The following C1orf21 variants were observed in gnomAD, a reference collection of about 807,000 sequenced individuals.
C1orf21 encodes uncharacterized protein C1orf21.
C1orf21 carries 3 observed loss-of-function variants against 18.7 expected under a neutral mutation model. That is an observed-to-expected ratio of 0.16 (90% CI 0.07 to 0.42). The LOEUF (loss-of-function observed/expected upper bound fraction) is 0.42. C1orf21 is among the 10% of genes least tolerant of loss of function. The pLI, the probability that C1orf21 is intolerant of heterozygous loss-of-function variation, is 0.99. For synonymous variants in C1orf21, 41 were observed against 46.4 expected (o/e 0.88, Z 0.47); for missense variants, 104 against 143.6 (o/e 0.72, Z 1.41).
intron 5 of C1orf21, among the ~76,000 whole-genome samples, chr1:184,603,633 A>G (rs552951675): frequency 5.5e-4 from 83 of 152,228 alleles, no homozygotes; most frequent in African/African-American, 1.9e-3. Context: ...TGTCTATACT[A>G]AAAATACAAA....
At chr1:184,580,666 A>G (rs568364468) in intron 3 of C1orf21, among the ~76,000 whole-genome samples, 100 of 152,352 alleles carry the variant, frequency 6.6e-4, no homozygotes, top group African/African-American at 2.0e-3. Flanking sequence ...ACAAGCATCA[A>G]TGATTTCACC....
At chr1:184,441,991 G>A (rs909432509) in intron 1 of C1orf21, among the ~76,000 whole-genome samples, 1 of 152,102 alleles carries the variant, frequency 6.6e-6, no homozygotes, top group Non-Finnish European at 1.5e-5. Context: ...GTCAGTGAAT[G>A]GAACAGACTG....
chr1:184,608,332 G>T (rs532853381), intron 5 of C1orf21, among the ~76,000 whole-genome samples: 1 of 152,198 alleles, frequency 6.6e-6, no homozygotes, highest in Non-Finnish European at 1.5e-5. Flanking sequence ...ATTACACAGT[G>T]GTCACTGGCT....
At chr1:184,477,893 T>G (rs1446960755) in intron 2 of C1orf21, among the ~76,000 whole-genome samples, 2 of 152,230 alleles carry the variant, frequency 1.3e-5, no homozygotes, top group Non-Finnish European at 2.9e-5. Flanking sequence ...TCTTATTCCC[T>G]CTAAGCCTTT....
intron 3 of C1orf21, among the ~76,000 whole-genome samples, chr1:184,564,855 T>G (rs1007977614): frequency 2.6e-5 from 4 of 152,166 alleles, no homozygotes; most frequent in Non-Finnish European, 4.4e-5. Flanking sequence ...ACCTGCTGCT[T>G]ACACGGCACA....
chr1:184,461,742 T>C (rs1024042848), intron 1 of C1orf21, among the ~76,000 whole-genome samples: 2 of 152,212 alleles, frequency 1.3e-5, no homozygotes, highest in African/African-American at 4.8e-5. Flanking sequence ...GGAAAACAAA[T>C]GATCATGTCA....
intron 1 of C1orf21, among the ~76,000 whole-genome samples, chr1:184,392,819 CTTTTTTTTTTTTTT>C (rs397861528): frequency 1.0e-5 from 1 of 96,820 alleles, no homozygotes; most frequent in Non-Finnish European, 1.9e-5. Context: ...GACATTCCTC[CTTTTTTTTTTTTTT>C]TTTTTTTTTT....
intron 3 of C1orf21, among the ~76,000 whole-genome samples, chr1:184,555,108 G>A (rs1218286476): frequency 3.3e-5 from 5 of 152,142 alleles, no homozygotes; most frequent in Non-Finnish European, 7.4e-5. Context: ...CTCTGTCAGG[G>A]CATAAGTTTT....
intron 3 of C1orf21, among the ~76,000 whole-genome samples, chr1:184,577,947 GT>G (rs201196718): frequency 0.11 from 9,312 of 86,462 alleles, 631 homozygotes; most frequent in African/African-American, 0.24. Flanking sequence ...TTTTTGTTTT[GT>G]TTTTGTTTTT....
At chr1:184,529,026 T>C (rs893932341) in intron 3 of C1orf21, among the ~76,000 whole-genome samples, 10 of 152,170 alleles carry the variant, frequency 6.6e-5, no homozygotes, top group African/African-American at 2.4e-4. Context: ...AGATTGCCAA[T>C]TTCAACACTG....
intron 3 of C1orf21, among the ~76,000 whole-genome samples, chr1:184,572,108 A>AG (rs1233317132): frequency 1.3e-5 from 2 of 152,100 alleles, no homozygotes; most frequent in Non-Finnish European, 2.9e-5. Context: ...GGCTCTTGGG[A>AG]GGGGTGCTGT....
chr1:184,607,708 CAT>C lies in C1orf21; in HGVS notation c.327+9252_327+9253del, dbSNP rs534034011. On this transcript the variant is annotated intron_variant, in intron 5 of 5. Coordinates refer to ENST00000235307, the MANE Select transcript of C1orf21 (RefSeq NM_030806.4). Reference sequence around the variant, plus strand: ...ATATATGTGTGTGTATATATATACACATATATGTGTGTGTATATATATACATA... The same window carrying C: ...ATATATGTGTGTGTATATATATACACATATGTGTGTGTATATATATACATA... 5.2e-3 allele frequency among the ~76,000 whole-genome samples: 756 copies of C among 146,764 alleles called. 10 individuals carry two copies. The highest frequency in any genetic ancestry group is 0.017 in the African/African-American group (673 of 40,240).
chr1:184,534,562 G>GT (rs201605515), intron 3 of C1orf21, among the ~76,000 whole-genome samples: 1,572 of 151,298 alleles, frequency 0.01, 27 homozygotes, highest in African/African-American at 0.033. Flanking sequence ...ATTTGGTTGT[G>GT]TTTTTTTTTA....
Position 184,580,458 on chromosome 1 carries a change from G to T in C1orf21, c.190-10281G>T, listed in dbSNP as rs528854904. On this transcript the variant is annotated intron_variant, in intron 3 of 5. Coordinates refer to ENST00000235307, the MANE Select transcript of C1orf21 (RefSeq NM_030806.4). ...CTGAACCAATTGAGATGTCTATGAT[G>T]TTGACTATTGTTTCTGCTGTTAATC... Among the ~76,000 whole-genome samples the T allele has an allele frequency of 1.1e-4, 16 of 152,376 alleles. No individual in the cohort carries two copies. The South Asian group carries it at 3.3e-3, about 32-fold the overall frequency.
chr1:184,440,444 G>T (rs907689882), intron 1 of C1orf21, among the ~76,000 whole-genome samples: 3 of 151,830 alleles, frequency 2.0e-5, no homozygotes, highest in South Asian at 2.1e-4. Context: ...TAGAGACAGG[G>T]TTTCACCATA....
intron 3 of C1orf21, among the ~76,000 whole-genome samples, chr1:184,508,235 G>A (rs1424358112): frequency 2.0e-5 from 3 of 151,988 alleles, no homozygotes; most frequent in Non-Finnish European, 4.4e-5. Flanking sequence ...CAGGAAGTTA[G>A]GAATCCCTTT....
chr1:184,601,761 C>T (rs751902445), intron 5 of C1orf21, among the ~76,000 whole-genome samples: 23 of 152,098 alleles, frequency 1.5e-4, no homozygotes, highest in Admixed American at 6.6e-4. Flanking sequence ...ATTAGCCGGG[C>T]GTGGTGGCAC....
chr1:184,576,979 G>A (rs1268024758), intron 3 of C1orf21, among the ~76,000 whole-genome samples: 1 of 152,100 alleles, frequency 6.6e-6, no homozygotes, highest in Non-Finnish European at 1.5e-5. Context: ...GACTTTTGGG[G>A]ACCTTGGGAT....
chr1:184,433,718 C>T (rs772233307), intron 1 of C1orf21, among the ~76,000 whole-genome samples: 2 of 152,076 alleles, frequency 1.3e-5, no homozygotes, highest in Non-Finnish European at 2.9e-5. Flanking sequence ...ATGTGACACT[C>T]GTCATATTTC....
Sources: gnomAD v4.1 joint callset for allele counts (sites outside exome capture counted in the v4.1 genomes callset) on GRCh38, gnomAD v4.1.1 for gene constraint, MANE v1.5 for transcripts, NCBI Gene and HGNC (gene_info 2026-07-23, HGNC 2026-07-21) for gene names.